SYNE1: variants seen among roughly 807,000 people sequenced by gnomAD.
SYNE1 encodes spectrin repeat containing nuclear envelope protein 1, also known as nesprin-1.
A neutral mutation model predicts 1,111.0 loss-of-function variants in SYNE1; 616 were observed. The ratio of observed to expected loss-of-function variants is 0.55; its 90% CI spans 0.52 to 0.59. The LOEUF is 0.59. Among genes scored for constraint, SYNE1 ranks in the 20% least tolerant of loss-of-function variants. The pLI, the probability that SYNE1 is intolerant of heterozygous loss-of-function variation, is 0.00. For synonymous variants in SYNE1, 3,855 were observed against 3,825.8 expected (o/e 1.01, Z -0.28); for missense variants, 10,006 against 10,417.0 (o/e 0.96, Z 1.72).
At chr6:152,163,413 C>T (rs1003373686) in intron 131 of SYNE1, among the ~76,000 whole-genome samples, 6 of 150,562 alleles carry the variant, frequency 4.0e-5, no homozygotes, top group Non-Finnish European at 8.9e-5. Flanking sequence ...GCAGGAGAAT[C>T]GCTTAAACCT....
At chr6:152,201,677 T>C (rs2673776) in intron 127 of SYNE1, 147 bp downstream of exon 127, 60 of 1,105,784 alleles carry the variant, frequency 5.4e-5, no homozygotes, top group Non-Finnish European at 7.7e-5. Context: ...GCCATACAAG[T>C]TTCACCTGAG....
At position 152,300,766 on chromosome 6, in the gene SYNE1, A is replaced by G; in HGVS notation, c.17557T>C (p.Cys5853Arg). 6.2e-7 allele frequency: 1 copy of G among 1,614,242 alleles called. No homozygotes were observed. The highest frequency in any genetic ancestry group is 8.5e-7 in the Non-Finnish European group (1 of 1,180,040). ...PSVVMMTAGRCHTLLSPVTEE... is the reference protein window; with the variant it reads ...PSVVMMTAGRRHTLLSPVTEE... ...GTGACCGGTGACAGCAAAGTGTGAC[A>G]GCGACCTGCAGTCATCTGCCACGTA... is the stretch of plus-strand genomic sequence containing the variant. Residue 5853 changes from cysteine to arginine, a missense_variant, in exon 93 of 146, where the codon TGT (cysteine) becomes CGT (arginine). Physicochemically the swap from Cys to Arg is radical, Grantham distance 180. Transcript: ENST00000367255.
chr6:152,464,918 G>C, intron 18 of SYNE1: 5 of 369,384 alleles, frequency 1.4e-5, no homozygotes, highest in South Asian at 7.0e-5. Context: ...AGTAGTATGT[G>C]TTTCAGCACT....
intron 145 of SYNE1, among the ~76,000 whole-genome samples, chr6:152,123,881 A>G (rs911778252): frequency 6.6e-6 from 1 of 152,200 alleles, no homozygotes; most frequent in African/African-American, 2.4e-5. Context: ...TAGCTCACCT[A>G]TTACCTATTA....
intron 29 of SYNE1, among the ~76,000 whole-genome samples, chr6:152,445,081 C>T (rs2098568338): frequency 6.6e-6 from 1 of 151,814 alleles, no homozygotes; most frequent in African/African-American, 2.4e-5. Context: ...TGCTCTGGGG[C>T]ATATTAAAAA....
chr6:152,221,349 T>A, intron 118 of SYNE1, 77 bp downstream of exon 118: 1 of 1,537,054 alleles, frequency 6.5e-7, no homozygotes, highest in East Asian at 2.3e-5. Flanking sequence ...AAATTCAAAC[T>A]GTCATTGTTT....
At chr6:152,626,404 T>C (rs1268005155) in intron 3 of SYNE1, among the ~76,000 whole-genome samples, 1 of 152,174 alleles carries the variant, frequency 6.6e-6, no homozygotes, top group Admixed American at 6.5e-5. Context: ...CATCATTTCA[T>C]AGATGATGTC....
At chr6:152,258,885 C>T (rs766419348) in intron 101 of SYNE1, among the ~76,000 whole-genome samples, 2 of 151,982 alleles carry the variant, frequency 1.3e-5, no homozygotes, top group Non-Finnish European at 2.9e-5. Flanking sequence ...GCTTGGATTA[C>T]AGGTGTGCAC....
intron 131 of SYNE1, among the ~76,000 whole-genome samples, chr6:152,159,552 GT>G (rs1443215694): frequency 6.6e-6 from 1 of 152,214 alleles, no homozygotes; most frequent in Non-Finnish European, 1.5e-5. Flanking sequence ...GAGTTCACCT[GT>G]TCAGGAGCAA....
At chr6:152,530,940 G>A (rs1186252976) in intron 4 of SYNE1, among the ~76,000 whole-genome samples, 2 of 151,360 alleles carry the variant, frequency 1.3e-5, no homozygotes, top group Admixed American at 6.6e-5. Context: ...GAAATCTTAA[G>A]CTGTCCCTGC....
chr6:152,345,377 T>G (rs1342519242), intron 73 of SYNE1, among the ~76,000 whole-genome samples: 1 of 152,132 alleles, frequency 6.6e-6, no homozygotes, highest in African/African-American at 2.4e-5. Flanking sequence ...CACTCCCCCT[T>G]TTCTCCCCTT....
intron 14 of SYNE1, among the ~76,000 whole-genome samples, chr6:152,474,895 C>T (rs2098826451): frequency 1.3e-5 from 2 of 151,848 alleles, no homozygotes; most frequent in Non-Finnish European, 2.9e-5. Flanking sequence ...GCAAAACCTC[C>T]TTAATCAACT....
chr6:152,569,725 G>A (rs1190175730), intron 3 of SYNE1, among the ~76,000 whole-genome samples: 1 of 152,122 alleles, frequency 6.6e-6, no homozygotes, highest in South Asian at 2.1e-4. Flanking sequence ...AGAGCCACAC[G>A]TATAATTAAT....
At position 152,122,692 on chromosome 6, in the gene SYNE1, A is replaced by T. The variant is rs1211583568; in HGVS notation, c.26154-16T>A. 3 of 1,613,626 alleles carry T rather than the reference A, an allele frequency of 1.9e-6. No individual in the cohort carries two copies. Among genetic ancestry groups the T allele is most frequent in the Non-Finnish European group, 2.5e-6 (3 of 1,179,870 alleles). Reference sequence around the variant, plus strand: ...TTTTGTGGACCTGAGAGAAGAATGGACATAAATTACTCAGATAACTCCAGT... The same window carrying T: ...TTTTGTGGACCTGAGAGAAGAATGGTCATAAATTACTCAGATAACTCCAGT... On this transcript the variant is annotated splice_polypyrimidine_tract_variant and intron_variant, in intron 145 of 145. Transcript: ENST00000367255.
chr6:152,445,451 G>T (rs754944124), intron 29 of SYNE1, among the ~76,000 whole-genome samples: 2 of 151,426 alleles, frequency 1.3e-5, no homozygotes, highest in African/African-American at 2.4e-5. Flanking sequence ...CTTTGTTTTC[G>T]AAGCCTATCC....
At chr6:152,395,442 C>A (rs1026083620) in intron 51 of SYNE1, 74 bp downstream of exon 51, 15 of 1,536,782 alleles carry the variant, frequency 9.8e-6, no homozygotes, top group Non-Finnish European at 1.2e-5. Flanking sequence ...CCAATCAAAA[C>A]CAAACCAACC....
chr6:152,254,762 CT>C, intron 104 of SYNE1, 117 bp downstream of exon 104: 1 of 946,874 alleles, frequency 1.1e-6, no homozygotes, highest in South Asian at 1.4e-5. Flanking sequence ...CTACAATGCT[CT>C]TGTTCTTCAT....
At chr6:152,442,331 T>C in intron 30 of SYNE1, 86 bp from the exon 31 acceptor site, 1 of 1,528,614 alleles carries the variant, frequency 6.5e-7, no homozygotes, top group Non-Finnish European at 9.0e-7. Flanking sequence ...TTAACAGAAG[T>C]ACAGAAAGGT....
chr6:152,542,263 T>C (rs1427866076), intron 3 of SYNE1, among the ~76,000 whole-genome samples: 2 of 152,164 alleles, frequency 1.3e-5, no homozygotes, highest in Non-Finnish European at 2.9e-5. Context: ...CCAATAAGAA[T>C]GAATGAGTAA....
Sources: allele counts gnomAD v4.1 joint callset (sites outside exome capture counted in the v4.1 genomes callset), GRCh38; gene constraint gnomAD v4.1.1; transcripts MANE v1.5; gene names NCBI Gene and HGNC (gene_info 2026-07-23, HGNC 2026-07-21).